XPR1: variants seen among roughly 807,000 people sequenced by gnomAD.
The protein encoded by XPR1 is solute carrier family 53 member 1.
XPR1 carries 28 observed loss-of-function variants against 87.5 expected under a neutral mutation model. The ratio of observed to expected loss-of-function variants is 0.32; its 90% CI spans 0.24 to 0.44. The LOEUF is 0.44. Among genes scored for constraint, XPR1 ranks in the 20% least tolerant of loss-of-function variants. The probability of loss-of-function intolerance (pLI) is 1.00; values close to 1 mark genes in which losing one functional copy is unlikely to be tolerated. For synonymous variants in XPR1, 300 were observed against 306.1 expected, an observed-to-expected ratio of 0.98 and a Z score of 0.21; for missense variants, 559 against 862.3, an observed-to-expected ratio of 0.65 and a Z score of 4.41.
In XPR1 at chr1:180,885,528, T is replaced by G. The variant is rs369130608; in HGVS notation, c.*1462T>G. The G allele has an allele frequency of 6.6e-6, 1 of 152,234 alleles. No homozygotes were observed. The highest frequency in any genetic ancestry group is 1.5e-5 in the Non-Finnish European group (1 of 68,044). 9.4% of individuals were successfully genotyped at this position (152,234 alleles called of 1,614,324 possible). A position where few individuals can be genotyped will look rare whatever the true frequency, so the allele number is the denominator to read the frequency against. On this transcript the variant is annotated 3_prime_UTR_variant, in exon 15 of 15. Coordinates refer to ENST00000367590, the MANE Select transcript of XPR1 (RefSeq NM_004736.4). Reference sequence around the variant, plus strand: ...AAATAAGCCTGAAAACCATAAGAGATATTACTTTATTGAATATGGTTGGCA... The same window carrying G: ...AAATAAGCCTGAAAACCATAAGAGAGATTACTTTATTGAATATGGTTGGCA...
chr1:180,843,608 A>T (rs1474702200), intron 11 of XPR1, among the ~76,000 whole-genome samples: 1 of 151,930 alleles, frequency 6.6e-6, no homozygotes, highest in Admixed American at 6.6e-5. Context: ...TTTTATAATT[A>T]TATCCCATCT....
chr1:180,836,453 A>G (rs149310864), intron 10 of XPR1, 69 bp from the exon 11 acceptor site: 3 of 1,572,198 alleles, frequency 1.9e-6, no homozygotes, highest in East Asian at 2.2e-5. Flanking sequence ...TAGCTACACT[A>G]TATGGCTAAA....
chr1:180,779,697 AGAGGGG>A (rs1438520583), intron 2 of XPR1, among the ~76,000 whole-genome samples: 1 of 151,686 alleles, frequency 6.6e-6, no homozygotes, highest in Non-Finnish European at 1.5e-5. Flanking sequence ...AGGAAAGAAA[AGAGGGG>A]GAGGGGGAGA....
chr1:180,810,161 A>C (rs1021006742), intron 6 of XPR1, among the ~76,000 whole-genome samples: 4 of 152,164 alleles, frequency 2.6e-5, no homozygotes, highest in Non-Finnish European at 5.9e-5. Context: ...AGAAGTTTCA[A>C]AAATCGCTTT....
chr1:180,855,390 G>A (rs1283140973), intron 11 of XPR1, among the ~76,000 whole-genome samples: 1 of 151,978 alleles, frequency 6.6e-6, no homozygotes, highest in Non-Finnish European at 1.5e-5. Context: ...TTTACAGCTG[G>A]GCACAGTGGC....
At position 180,825,336 on chromosome 1, in the gene XPR1, A is replaced by C; in HGVS notation, c.1126A>C (p.Lys376Gln). ...FYYKSRFWLL[K>Q]LLFRVFTAPF... ...CTATAAATCCCGGTTTTGGCTGCTT[A>C]AACTGCTGGTAAGTCCAGAAACTTG... The change falls in exon 9 of 15, where the codon AAA becomes CAA. Residue 376 changes from lysine to glutamine, a missense_variant. Lys to Gln is a moderately conservative substitution (Grantham distance 53). This residue lies in a region of XPR1 where 264 missense variants were observed against 377.2 expected (regional missense o/e 0.70). Transcript: ENST00000367590. The C allele has an allele frequency of 6.2e-7, 1 of 1,612,250 alleles. No individual in the cohort carries two copies. Among genetic ancestry groups the C allele is most frequent in the African/African-American group, 1.3e-5 (1 of 74,972 alleles).
chr1:180,714,350 TCTCTCTCTCTC>T (rs1271116266), intron 2 of XPR1, among the ~76,000 whole-genome samples: 108 of 6,502 alleles, frequency 0.017, no homozygotes, highest in African/African-American at 0.054. Context: ...TTTTCCCTGT[TCTCTCTCTCTC>T]TCTCTCTCTC....
rs1336979124 is a variant in XPR1 at position 180,811,503 on chromosome 1, T to G, written c.763+15T>G. 3.7e-6 allele frequency: 6 copies of G among 1,600,224 alleles called. No homozygotes were observed. Among genetic ancestry groups the G allele is most frequent in the Non-Finnish European group, 5.1e-6 (6 of 1,169,014 alleles). On this transcript the variant is annotated intron_variant, in intron 7 of 14. Transcript: ENST00000367590. ...TGTGCTTGCCGGTAAGTAGTTTAAA[T>G]TTTGAATTAATTTATTCTTACCAAT...
At chr1:180,712,151 TAATAA>T (rs1330823788) in intron 2 of XPR1, among the ~76,000 whole-genome samples, 1 of 152,222 alleles carries the variant, frequency 6.6e-6, no homozygotes, top group African/African-American at 2.4e-5. Context: ...AGACTAACAA[TAATAA>T]AATATAACAA....
chr1:180,820,089 T>A (rs372151186), intron 7 of XPR1, among the ~76,000 whole-genome samples: 62 of 152,158 alleles, frequency 4.1e-4, no homozygotes, highest in African/African-American at 1.3e-3. Context: ...AGTAATGACA[T>A]CTTAAGATAT....
intron 2 of XPR1, among the ~76,000 whole-genome samples, chr1:180,767,335 A>G (rs1275642784): frequency 6.6e-6 from 1 of 152,232 alleles, no homozygotes; most frequent in East Asian, 1.9e-4. Flanking sequence ...CTGTTAGAAA[A>G]TAATTGAAAT....
chr1:180,804,255 C>T (rs565819940), intron 4 of XPR1, among the ~76,000 whole-genome samples: 2 of 152,292 alleles, frequency 1.3e-5, no homozygotes, highest in African/African-American at 4.8e-5. Context: ...GGATTACAGG[C>T]GTGAGCCAAT....
At chr1:180,683,836 C>G (rs7535399) in intron 2 of XPR1, among the ~76,000 whole-genome samples, 122,600 of 150,102 alleles carry the variant, frequency 0.82, 50,567 homozygotes, top group East Asian at 0.95. Flanking sequence ...AAATTTGTTT[C>G]AGTTCATTGT....
intron 4 of XPR1, among the ~76,000 whole-genome samples, chr1:180,804,797 T>G (rs1216431814): frequency 6.6e-6 from 1 of 152,120 alleles, no homozygotes; most frequent in African/African-American, 2.4e-5. Context: ...TTACATATAT[T>G]TATATAGTGA....
At chr1:180,791,743 G>A (rs1283584023) in intron 3 of XPR1, among the ~76,000 whole-genome samples, 3 of 152,000 alleles carry the variant, frequency 2.0e-5, no homozygotes, top group Non-Finnish European at 4.4e-5. Flanking sequence ...GTAGTATATT[G>A]TTTTCTATAT....
chr1:180,790,570 C>T (rs916807973), intron 3 of XPR1, among the ~76,000 whole-genome samples: 3 of 152,154 alleles, frequency 2.0e-5, no homozygotes, highest in African/African-American at 7.2e-5. Context: ...GACGGAGTCT[C>T]ACTCTGTCGC....
rs1653142868 is a variant in XPR1, at chr1:180,890,084, C to T, written c.*6018C>T. ...AGAATTCTTATGACTTATGAAGTTC[C>T]CTTCTTGATAAGTAGGTTAAATGCA... On this transcript the variant is annotated 3_prime_UTR_variant, in exon 15 of 15. Coordinates refer to ENST00000367590, the MANE Select transcript of XPR1 (RefSeq NM_004736.4). 6.6e-6 allele frequency: 1 copy of T among 152,068 alleles called. No homozygotes were observed. The highest frequency in any genetic ancestry group is 2.4e-5 in the African/African-American group (1 of 41,394). 9.4% of individuals were successfully genotyped at this position (152,068 alleles called of 1,614,324 possible).
intron 2 of XPR1, among the ~76,000 whole-genome samples, chr1:180,746,073 T>C (rs1350556280): frequency 6.6e-6 from 1 of 152,204 alleles, no homozygotes; most frequent in African/African-American, 2.4e-5. Context: ...TTTTTTTCTT[T>C]TTCTGCCATA....
At chr1:180,716,972 C>T (rs1658017635) in intron 2 of XPR1, among the ~76,000 whole-genome samples, 1 of 152,090 alleles carries the variant, frequency 6.6e-6, no homozygotes, top group Non-Finnish European at 1.5e-5. Flanking sequence ...AGAAGCAAGC[C>T]ATGCCAAACA....
Sources: gnomAD v4.1 joint callset for allele counts (sites outside exome capture counted in the v4.1 genomes callset) on GRCh38, gnomAD v4.1.1 for gene constraint, gnomAD v4.1.1 regional missense constraint, MANE v1.5 for transcripts, NCBI Gene and HGNC (gene_info 2026-07-23, HGNC 2026-07-21) for gene names.